CYP3A43: variants seen among roughly 807,000 people sequenced by gnomAD.
CYP3A43 encodes cytochrome P450 family 3 subfamily A member 43.
A neutral mutation model predicts 58.0 loss-of-function variants in CYP3A43; 45 were observed. The ratio of observed to expected loss-of-function variants is 0.78; its 90% CI spans 0.61 to 0.99. The LOEUF is 0.99. Among genes scored for constraint, CYP3A43 ranks in the 50% least tolerant of loss-of-function variants. CYP3A43 has a pLI of 0.00. For synonymous variants in CYP3A43, 191 were observed against 201.4 expected (o/e 0.95, Z 0.44); for missense variants, 593 against 591.9 (o/e 1.00, Z -0.02).
At chr7:99,847,313 C>T (rs560022193) in intron 4 of CYP3A43, among the ~76,000 whole-genome samples, 175 bp from the exon 5 acceptor site, 5 of 151,976 alleles carry the variant, frequency 3.3e-5, no homozygotes, top group Admixed American at 3.3e-4. Flanking sequence ...CATATGCTTA[C>T]AGGAGGCTAC....
intron 1 of CYP3A43, among the ~76,000 whole-genome samples, chr7:99,834,282 T>G (rs1157367123): frequency 6.6e-6 from 1 of 152,160 alleles, no homozygotes; most frequent in Non-Finnish European, 1.5e-5. Flanking sequence ...CCATGACCTT[T>G]CTTGCACCTA....
At chr7:99,857,331 T>C (rs1160939979) in intron 9 of CYP3A43, among the ~76,000 whole-genome samples, 1 of 152,220 alleles carries the variant, frequency 6.6e-6, no homozygotes, top group Non-Finnish European at 1.5e-5. Context: ...TATTTTTCCC[T>C]ATATAATGGA....
chr7:99,855,036 C>T (rs1194049126), intron 7 of CYP3A43, among the ~76,000 whole-genome samples: 1 of 146,874 alleles, frequency 6.8e-6, no homozygotes, highest in Non-Finnish European at 1.5e-5. Flanking sequence ...GCACATGCCA[C>T]CATGCCCGGC....
In CYP3A43 at chr7:99,849,540, A is replaced by G. The variant is rs2151609550; in HGVS notation, c.522-6A>G. On this transcript the variant is annotated splice_polypyrimidine_tract_variant and splice_region_variant and intron_variant, in intron 6 of 12. Transcript: ENST00000354829. ...GTTTTAATTTTCCATGTTTTACTCT[A>G]CTCAGTTTCTTTGGGGCCTACACCA... The G allele has an allele frequency of 6.3e-7, 1 of 1,591,082 alleles. No individual in the cohort carries two copies. Among genetic ancestry groups the G allele is most frequent in the Non-Finnish European group, 8.5e-7 (1 of 1,174,226 alleles).
chr7:99,861,627 C>T lies in CYP3A43; in HGVS notation c.1041C>T (p.Tyr347=), dbSNP rs373106010. ...TTTCTTCCCAGGCACCTGTCACCTA[C>T]GATGCCCTGGTACAGATGGAGTACC... The part of the protein sequence containing the change: ...AVLPNKAPVT[Y]DALVQMEYLD... Residue 347 remains tyrosine, a synonymous_variant, in exon 11 of 13, where the codon TAC becomes TAT. Coordinates refer to ENST00000354829, the MANE Select transcript of CYP3A43 (RefSeq NM_057095.3). The T allele has an allele frequency of 2.4e-5, 39 of 1,613,844 alleles. No individual in the cohort carries two copies. The highest frequency in any genetic ancestry group is 3.1e-5 in the Non-Finnish European group (37 of 1,179,916).
rs757295622 is a variant in CYP3A43 at position 99,861,732 on chromosome 7, A to T, written c.1146A>T (p.Glu382Asp). ...CGAGAGTCTGCAAGAAAGATATTGA[A>T]ATCAATGGAGTGTTCATTCCCAAAG... ...RVTRVCKKDIEINGVFIPKGL... is the reference protein window; with the variant it reads ...RVTRVCKKDIDINGVFIPKGL... The change falls in exon 11 of 13, where the codon GAA (glutamate) becomes GAT (aspartate). Residue 382 changes from glutamate (E) to aspartate (D), a missense_variant. Glu to Asp is a conservative substitution (Grantham distance 45). Coordinates refer to ENST00000354829, the MANE Select transcript of CYP3A43 (RefSeq NM_057095.3). 5 of 1,614,174 alleles carry T rather than the reference A, an allele frequency of 3.1e-6. No homozygotes were observed. The Admixed American group carries it at 8.3e-5, about 27-fold the overall frequency.
chr7:99,845,759 ATTGT>A (rs1037882722), intron 4 of CYP3A43, among the ~76,000 whole-genome samples: 9 of 146,036 alleles, frequency 6.2e-5, no homozygotes, highest in African/African-American at 2.3e-4. Context: ...CACTTTATTT[ATTGT>A]TTTAGTTCTT....
At chr7:99,834,900 C>T (rs1817007365) in intron 1 of CYP3A43, among the ~76,000 whole-genome samples, 1 of 152,206 alleles carries the variant, frequency 6.6e-6, no homozygotes, top group African/African-American at 2.4e-5. Context: ...CCCATGGCCA[C>T]TGGTCCCCCA....
intron 3 of CYP3A43, among the ~76,000 whole-genome samples, chr7:99,841,347 AAC>A (rs959796643): frequency 9.9e-5 from 15 of 152,134 alleles, no homozygotes; most frequent in Non-Finnish European, 1.5e-4. Context: ...CCCCTCTAGA[AAC>A]CCCAGCCAGT....
At chr7:99,850,680 G>A (rs574032330) in intron 7 of CYP3A43, among the ~76,000 whole-genome samples, 1 of 152,226 alleles carries the variant, frequency 6.6e-6, no homozygotes, top group South Asian at 2.1e-4. Context: ...TCAGCTTTAA[G>A]CAACCACTAA....
chr7:99,856,020 T>C (rs2151619018), intron 8 of CYP3A43, among the ~76,000 whole-genome samples: 1 of 152,352 alleles, frequency 6.6e-6, no homozygotes, highest in South Asian at 2.1e-4. Flanking sequence ...AATTTGACTG[T>C]ATAAAGTTGC....
intron 1 of CYP3A43, among the ~76,000 whole-genome samples, chr7:99,835,965 A>G (rs1213504874): frequency 6.6e-6 from 1 of 152,208 alleles, no homozygotes; most frequent in Non-Finnish European, 1.5e-5. Context: ...ACTTATCCAG[A>G]GATGGTACTC....
At chr7:99,839,347 G>A in intron 3 of CYP3A43, 175 bp downstream of exon 3, 6 of 786,004 alleles carry the variant, frequency 7.6e-6, no homozygotes, top group Non-Finnish European at 1.3e-5. Flanking sequence ...AGCATTGCAA[G>A]GGGAATATGC....
intron 1 of CYP3A43, among the ~76,000 whole-genome samples, chr7:99,833,783 C>A (rs547124625): frequency 2.0e-5 from 3 of 152,218 alleles, no homozygotes; most frequent in Non-Finnish European, 4.4e-5. Flanking sequence ...CTGGTTAATG[C>A]CACAACTGTG....
intron 11 of CYP3A43, among the ~76,000 whole-genome samples, chr7:99,862,762 T>C (rs1274687268): frequency 5.9e-5 from 9 of 152,248 alleles, no homozygotes; most frequent in Non-Finnish European, 1.3e-4. Flanking sequence ...CTTGTCTTGT[T>C]AGGCATGCTG....
intron 1 of CYP3A43, among the ~76,000 whole-genome samples, chr7:99,830,112 A>G (rs1197925359): frequency 1.3e-5 from 2 of 152,154 alleles, no homozygotes; most frequent in Non-Finnish European, 2.9e-5. Context: ...CAACCCTGCT[A>G]TTTCTCCCAA....
In CYP3A43 at chr7:99,859,990, G is replaced by A. The variant is rs1250043467; in HGVS notation, c.1026G>A (p.Lys342=). ...QEEIDAVLPN[K]APVTYDALVQ... ...AGATTGACGCAGTTTTACCCAATAA[G>A]GTAAGGGGATGATCCCCTGGAGAAG... The change falls in exon 10 of 13, where the codon AAG becomes AAA. Residue 342 remains lysine (K), a splice_region_variant and synonymous_variant. Coordinates refer to ENST00000354829, the MANE Select transcript of CYP3A43 (RefSeq NM_057095.3). The A allele has an allele frequency of 1.9e-6, 3 of 1,590,524 alleles. No individual in the cohort carries two copies. The highest frequency in any genetic ancestry group is 2.2e-5 in the East Asian group (1 of 44,538).
At chr7:99,853,459 CT>C (rs34024462) in intron 7 of CYP3A43, among the ~76,000 whole-genome samples, 27,821 of 152,114 alleles carry the variant, frequency 0.18, 4,949 homozygotes, top group African/African-American at 0.47. Context: ...TATTTCCCTT[CT>C]TTTATTTCTG....
chr7:99,861,415 A>G (rs1818226292), intron 10 of CYP3A43, among the ~76,000 whole-genome samples, 198 bp from the exon 11 acceptor site: 1 of 152,202 alleles, frequency 6.6e-6, no homozygotes, highest in Non-Finnish European at 1.5e-5. Context: ...CCAAATTCAT[A>G]ACTCCTCCAC....
Sources: allele counts gnomAD v4.1 joint callset (sites outside exome capture counted in the v4.1 genomes callset), GRCh38; gene constraint gnomAD v4.1.1; transcripts MANE v1.5; gene names NCBI Gene and HGNC (gene_info 2026-07-23, HGNC 2026-07-21).